Variants in BBS2 observed in about 807,000 individuals in gnomAD.
BBS2 encodes BBSome complex member BBS2.
In BBS2, 62 loss-of-function variants were observed where a neutral mutation model predicts 83.0. The ratio of observed to expected loss-of-function variants is 0.75; its 90% CI spans 0.61 to 0.92. The LOEUF (loss-of-function observed/expected upper bound fraction) is 0.92. Among genes scored for constraint, BBS2 ranks in the 40% least tolerant of loss-of-function variants. The pLI is 0.00. For missense variants in BBS2, 784 were observed against 901.0 expected, an observed-to-expected ratio of 0.87 and a Z score of 1.66; for synonymous variants, 303 against 326.1, an observed-to-expected ratio of 0.93 and a Z score of 0.76.
intron 7 of BBS2, among the ~76,000 whole-genome samples, chr16:56,505,506 G>A (rs1458877601): frequency 2.0e-5 from 3 of 152,118 alleles, no homozygotes; most frequent in African/African-American, 7.2e-5. Context: ...AGGAAAGCAA[G>A]CAAAAGGATT....
chr16:56,495,257 G>A (rs1279974649), intron 15 of BBS2, among the ~76,000 whole-genome samples: 1 of 152,058 alleles, frequency 6.6e-6, no homozygotes, highest in Non-Finnish European at 1.5e-5. Context: ...TCACTATTTT[G>A]CAAACCCCAA....
downstream of BBS2, among the ~76,000 whole-genome samples, chr16:56,481,083 A>G (rs1251066360): frequency 2.0e-5 from 3 of 152,150 alleles, no homozygotes; most frequent in East Asian, 3.9e-4. Context: ...TAGTTCTATA[A>G]TGACAGGACT....
intron 4 of BBS2, among the ~76,000 whole-genome samples, chr16:56,510,563 G>T (rs1396198754): frequency 6.6e-6 from 1 of 152,192 alleles, no homozygotes; most frequent in Non-Finnish European, 1.5e-5. Context: ...CAAAGCATCA[G>T]GAGCAATTCA....
intron 17 of BBS2, chr16:56,479,236 C>G (rs1963598238): frequency 6.6e-6 from 1 of 152,182 alleles, no homozygotes; most frequent in Non-Finnish European, 1.5e-5. Flanking sequence ...TTTGGGAGGC[C>G]CCGAGGCTGG....
chr16:56,470,701 C>T lies in BBS2; in HGVS notation c.*1-6G>A. On this transcript the variant is annotated splice_region_variant and splice_polypyrimidine_tract_variant and intron_variant, in intron 17 of 17. Coordinates refer to the BBS2 transcript ENST00000682047. ...AGGGACTAGCCATAGTCCTCCTGAG[C>T]CAGAGAATAATCAGATGGCCATCAG... The T allele has an allele frequency of 6.2e-7, 1 of 1,614,056 alleles. No individual in the cohort carries two copies. The highest frequency in any genetic ancestry group is 1.7e-5 in the Admixed American group (1 of 60,004).
intron 5 of BBS2, among the ~76,000 whole-genome samples, chr16:56,508,172 T>C (rs554790006): frequency 6.6e-6 from 1 of 152,332 alleles, no homozygotes; most frequent in Admixed American, 6.5e-5. Context: ...TTAAAATCAT[T>C]GGTAGCACTG....
rs955478909 is a variant in BBS2, at chr16:56,501,138, A to C, written c.1226-113T>G. 22 of 1,368,464 alleles carry C rather than the reference A, an allele frequency of 1.6e-5. 1 individual carries two copies. Among genetic ancestry groups the C allele is most frequent in the African/African-American group, 1.3e-4 (9 of 69,588 alleles). 84.8% of individuals were successfully genotyped at this position (1,368,464 alleles called of 1,614,324 possible). Reference sequence around the variant, plus strand: ...ATCTTGGCTAACACGGTGAAACCCTATCTCTACTAAAAATACAAAAAATTA... The same window carrying C: ...ATCTTGGCTAACACGGTGAAACCCTCTCTCTACTAAAAATACAAAAAATTA... On this transcript the variant is annotated intron_variant, in intron 10 of 16. Transcript: ENST00000245157.
chr16:56,475,748 A>G (rs1461213426), intron 17 of BBS2, among the ~76,000 whole-genome samples: 3 of 152,228 alleles, frequency 2.0e-5, no homozygotes, highest in African/African-American at 7.2e-5. Context: ...ATACTCAGTA[A>G]GCATTTATTT....
At chr16:56,470,555 C>T in exon 18 of BBS2, 1 of 1,614,148 alleles carries the variant, frequency 6.2e-7, no homozygotes, top group Non-Finnish European at 8.5e-7. Context: ...TTATTTCGCT[C>T]TGAGGCACTA....
rs555264290 is a variant in BBS2 at position 56,496,999 on chromosome 16, G to A, written c.1878C>T (p.Val626=). 27 of 1,613,932 alleles carry A rather than the reference G, an allele frequency of 1.7e-5. No individual in the cohort carries two copies. The highest frequency in any genetic ancestry group is 1.9e-5 in the Non-Finnish European group (23 of 1,179,910). ...TCATCAGACGAGCATCCTCAGCTCCGACCAGCAAACTTCGGATCAAATTAG... is the reference window on the plus strand; with the variant it reads ...TCATCAGACGAGCATCCTCAGCTCCAACCAGCAAACTTCGGATCAAATTAG... ...DHSNLIRSLL[V]GAEDARLMRD... The change falls in exon 15 of 17, where the codon GTC becomes GTT. Residue 626 remains valine, a synonymous_variant. Coordinates refer to ENST00000245157, the MANE Select transcript of BBS2 (RefSeq NM_031885.5).
At chr16:56,511,562 C>T (rs1467765909) in intron 2 of BBS2, among the ~76,000 whole-genome samples, 2 of 152,166 alleles carry the variant, frequency 1.3e-5, no homozygotes, top group African/African-American at 4.8e-5. Context: ...AGGGATTCTA[C>T]CAGCAGACAG....
intron 2 of BBS2, 92 bp downstream of exon 2, chr16:56,514,361 C>A (rs1227701911): frequency 8.0e-7 from 1 of 1,252,588 alleles, no homozygotes; most frequent in African/African-American, 1.5e-5. Context: ...ATACAACAAA[C>A]AGACCAAAAT....
intron 3 of BBS2, 52 bp downstream of exon 3, chr16:56,511,100 AAGAACAT>A: frequency 6.2e-7 from 1 of 1,609,784 alleles, no homozygotes; most frequent in Non-Finnish European, 8.5e-7. Flanking sequence ...GTGGTTAAAA[AAGAACAT>A]TAAAAGTAAA....
chr16:56,511,538 TCC>T (rs1486967026), intron 2 of BBS2, among the ~76,000 whole-genome samples: 2 of 152,052 alleles, frequency 1.3e-5, no homozygotes, highest in Non-Finnish European at 2.9e-5. Flanking sequence ...AAGACTGACC[TCC>T]CCCAAGGAAG....
intron 1 of BBS2, among the ~76,000 whole-genome samples, chr16:56,515,588 T>C (rs1335738666): frequency 6.6e-6 from 1 of 152,174 alleles, no homozygotes; most frequent in East Asian, 1.9e-4. Flanking sequence ...CCCCTTCTAG[T>C]TCTAAAATTT....
chr16:56,481,294 C>T (rs1227241237), downstream of BBS2, among the ~76,000 whole-genome samples: 3 of 152,002 alleles, frequency 2.0e-5, no homozygotes, highest in African/African-American at 7.2e-5. Flanking sequence ...GCTCAAGGCA[C>T]TGGCTCAGCA....
chr16:56,481,595 C>T (rs970481000), downstream of BBS2, among the ~76,000 whole-genome samples: 1 of 152,196 alleles, frequency 6.6e-6, no homozygotes, highest in Non-Finnish European at 1.5e-5. Context: ...TCAGTGCTCA[C>T]TTAAAGCTTC....
chr16:56,500,588 G>A (rs1445506078), intron 11 of BBS2: 1 of 409,538 alleles, frequency 2.4e-6, no homozygotes, highest in African/African-American at 2.2e-5. Flanking sequence ...TTGCCCCACT[G>A]TACTCCAGCC....
intron 11 of BBS2, 63 bp from the exon 12 acceptor site, chr16:56,499,970 G>A: frequency 6.2e-7 from 1 of 1,604,044 alleles, no homozygotes; most frequent in East Asian, 2.2e-5. Context: ...CAAAATGCAA[G>A]GCCCAGAAAA....
Sources: gnomAD v4.1 joint callset for allele counts (sites outside exome capture counted in the v4.1 genomes callset) on GRCh38, gnomAD v4.1.1 for gene constraint, MANE v1.5 for transcripts, NCBI Gene and HGNC (gene_info 2026-07-23, HGNC 2026-07-21) for gene names.